DENND2B: variants seen among roughly 807,000 people sequenced by gnomAD.
DENND2B encodes DENN domain containing 2B.
A neutral mutation model predicts 116.0 loss-of-function variants in DENND2B; 32 were observed. The observed-to-expected ratio is 0.28, with a 90% CI of 0.21 to 0.37. The LOEUF (loss-of-function observed/expected upper bound fraction) is 0.37, where lower values mean the gene tolerates loss of function less well. Among genes scored for constraint, DENND2B ranks in the 10% least tolerant of loss-of-function variants. The pLI, the probability that DENND2B is intolerant of heterozygous loss-of-function variation, is 1.00. For missense variants in DENND2B, 1,276 were observed against 1,477.7 expected (o/e 0.86, Z 2.24); for synonymous variants, 588 against 583.9 (o/e 1.01, Z -0.10).
chr11:8,890,037 G>A (rs1398278117), intron 1 of DENND2B, among the ~76,000 whole-genome samples: 2 of 152,146 alleles, frequency 1.3e-5, no homozygotes, highest in African/African-American at 4.8e-5. Context: ...ACTCCTCTGA[G>A]ACAAAACTTC....
At chr11:8,700,946 T>C (rs1269961151) in intron 14 of DENND2B, among the ~76,000 whole-genome samples, 1 of 152,076 alleles carries the variant, frequency 6.6e-6, no homozygotes, top group Non-Finnish European at 1.5e-5. Context: ...CTCAGCCTCC[T>C]GAGTAGCTGG....
intron 1 of DENND2B, among the ~76,000 whole-genome samples, chr11:8,803,311 G>C (rs1236267801): frequency 6.6e-6 from 1 of 152,206 alleles, no homozygotes; most frequent in Non-Finnish European, 1.5e-5. Context: ...CTAGAACCCG[G>C]GAGGTGGAGG....
chr11:8,834,544 G>T (rs546262654), intron 4 of DENND2B, among the ~76,000 whole-genome samples: 1 of 152,170 alleles, frequency 6.6e-6, no homozygotes, highest in African/African-American at 2.4e-5. Flanking sequence ...CACACAGTGC[G>T]AAAAAGAAAA....
At chr11:8,715,187 T>C (rs2044510341) in intron 6 of DENND2B, among the ~76,000 whole-genome samples, 1 of 152,182 alleles carries the variant, frequency 6.6e-6, no homozygotes, top group South Asian at 2.1e-4. Context: ...TCCTGCTGCG[T>C]TGGGCTGGGG....
chr11:8,822,955 C>T (rs191904910), intron 4 of DENND2B, among the ~76,000 whole-genome samples: 3 of 152,040 alleles, frequency 2.0e-5, no homozygotes, highest in Admixed American at 1.3e-4. Flanking sequence ...AGTATTGATC[C>T]CTGGAGATTA....
intron 4 of DENND2B, among the ~76,000 whole-genome samples, chr11:8,820,189 CT>C (rs1324426180): frequency 6.6e-6 from 1 of 152,156 alleles, no homozygotes; most frequent in Non-Finnish European, 1.5e-5. Flanking sequence ...GAAATGTTCA[CT>C]TTATATTACT....
chr11:8,812,021 G>C (rs1305404209), upstream of DENND2B, among the ~76,000 whole-genome samples: 1 of 152,206 alleles, frequency 6.6e-6, no homozygotes. Flanking sequence ...TTACAGGCGT[G>C]AGCCAGCATA....
At chr11:8,888,765 T>A (rs184334460) in intron 1 of DENND2B, among the ~76,000 whole-genome samples, 1 of 152,118 alleles carries the variant, frequency 6.6e-6, no homozygotes, top group African/African-American at 2.4e-5. Context: ...AGAACTTGAA[T>A]AGACATTTCT....
At chr11:8,764,144 C>T (rs928840895) in intron 1 of DENND2B, among the ~76,000 whole-genome samples, 4 of 151,902 alleles carry the variant, frequency 2.6e-5, no homozygotes, top group Non-Finnish European at 4.4e-5. Flanking sequence ...CACTTGAACC[C>T]GGGAGGCGGA....
At chr11:8,774,639 T>C (rs890921190) in intron 1 of DENND2B, among the ~76,000 whole-genome samples, 1 of 152,142 alleles carries the variant, frequency 6.6e-6, no homozygotes, top group African/African-American at 2.4e-5. Context: ...GAAGCTGGGC[T>C]GATAAACTAC....
chr11:8,778,610 TA>T (rs926916831), intron 1 of DENND2B, among the ~76,000 whole-genome samples: 2 of 152,212 alleles, frequency 1.3e-5, no homozygotes, highest in African/African-American at 2.4e-5. Context: ...GAAGGGCTGG[TA>T]AATGATCCCT....
intron 1 of DENND2B, among the ~76,000 whole-genome samples, chr11:8,909,517 G>A (rs867771877): frequency 2.6e-5 from 4 of 152,096 alleles, no homozygotes; most frequent in Non-Finnish European, 5.9e-5. Context: ...CAGCTCTCCC[G>A]AGTGGATATA....
intron 2 of DENND2B, among the ~76,000 whole-genome samples, chr11:8,733,516 A>G (rs891940395): frequency 3.9e-5 from 6 of 152,226 alleles, no homozygotes; most frequent in Admixed American, 3.3e-4. Flanking sequence ...TGAAGCTTAT[A>G]TTCTACTGGG....
intron 1 of DENND2B, among the ~76,000 whole-genome samples, chr11:8,885,501 C>T (rs2063950627): frequency 2.0e-5 from 3 of 152,174 alleles, no homozygotes; most frequent in African/African-American, 7.2e-5. Context: ...TAAATTAATA[C>T]ATTTGCCACC....
At chr11:8,852,865 G>C (rs1480743329) in intron 3 of DENND2B, among the ~76,000 whole-genome samples, 4 of 152,220 alleles carry the variant, frequency 2.6e-5, no homozygotes, top group African/African-American at 9.6e-5. Flanking sequence ...ATTGGAGGCA[G>C]CAAGACAGTA....
rs745448226 is a variant in DENND2B at position 8,707,357 on chromosome 11, C to G, written c.2431-132G>C. The G allele has an allele frequency of 5.9e-6, 7 of 1,187,106 alleles. No individual in the cohort carries two copies. The highest frequency in any genetic ancestry group is 8.1e-6 in the Non-Finnish European group (7 of 865,822). The allele number at this position is 1,187,106 out of a possible 1,614,324, so 73.5% of individuals were successfully genotyped here. On this transcript the variant is annotated intron_variant, in intron 12 of 19. Coordinates refer to ENST00000313726, the MANE Select transcript of DENND2B (RefSeq NM_213618.2). This position sits in a 1 kb window ranked among gnomAD's most constrained non-coding sequence, Gnocchi z 4.8. Reference sequence around the variant, plus strand: ...GCTGGGAGACGGGAAGGTGGTCTTGCCATGATCTGCACACTCTACCCTTCC... The same window carrying G: ...GCTGGGAGACGGGAAGGTGGTCTTGGCATGATCTGCACACTCTACCCTTCC...
chr11:8,824,138 G>A (rs1475378447), intron 4 of DENND2B, among the ~76,000 whole-genome samples: 1 of 151,810 alleles, frequency 6.6e-6, no homozygotes, highest in East Asian at 1.9e-4. Context: ...TCCTGACCTT[G>A]TGATCTGCCC....
At chr11:8,885,189 T>C (rs1404612977) in intron 1 of DENND2B, among the ~76,000 whole-genome samples, 1 of 152,256 alleles carries the variant, frequency 6.6e-6, no homozygotes, top group African/African-American at 2.4e-5. Context: ...AATGCTTATC[T>C]GGTTCCTGAC....
At chr11:8,755,772 G>A (rs1291824635) in intron 1 of DENND2B, among the ~76,000 whole-genome samples, 2 of 152,152 alleles carry the variant, frequency 1.3e-5, no homozygotes, top group Non-Finnish European at 2.9e-5. Context: ...ACAGGCATGA[G>A]CCACCATGCT....
Sources: gnomAD v4.1 joint callset for allele counts (sites outside exome capture counted in the v4.1 genomes callset) on GRCh38, gnomAD v4.1.1 for gene constraint, Gnocchi (gnomAD v3.1) non-coding constraint, MANE v1.5 for transcripts, NCBI Gene and HGNC (gene_info 2026-07-23, HGNC 2026-07-21) for gene names.